STAG1: variants seen among roughly 807,000 people sequenced by gnomAD.
STAG1 encodes the protein STAG1 cohesin complex component.
In STAG1, 26 loss-of-function variants were observed where a neutral mutation model predicts 170.9. The ratio of observed to expected loss-of-function variants is 0.15; its 90% CI spans 0.11 to 0.21. STAG1 has a LOEUF of 0.21. STAG1 is among the 10% of genes least tolerant of loss of function. The probability of loss-of-function intolerance (pLI) is 1.00; values close to 1 mark genes in which losing one functional copy is unlikely to be tolerated. For missense variants in STAG1, 964 were observed against 1,509.5 expected, an observed-to-expected ratio of 0.64 and a Z score of 5.99; for synonymous variants, 514 against 497.7, an observed-to-expected ratio of 1.03 and a Z score of -0.44.
intron 6 of STAG1, among the ~76,000 whole-genome samples, chr3:136,536,999 C>T (rs1397689369): frequency 6.6e-6 from 1 of 152,178 alleles, no homozygotes; most frequent in East Asian, 1.9e-4. Context: ...GATCGAACTG[C>T]AGGGTTCAGT....
chr3:136,477,164 G>T (rs2089773742), intron 10 of STAG1, 125 bp downstream of exon 10: 4 of 1,013,154 alleles, frequency 3.9e-6, no homozygotes, highest in African/African-American at 3.3e-5. Context: ...TTATTCAGCT[G>T]CATCATCTTA....
intron 7 of STAG1, chr3:136,518,247 C>A: frequency 3.4e-6 from 2 of 580,532 alleles, no homozygotes; most frequent in Non-Finnish European, 6.2e-6. Context: ...AAATAACTAA[C>A]CTGATTGTCT....
intron 1 of STAG1, among the ~76,000 whole-genome samples, chr3:136,687,581 ATAAAG>A (rs1287779459): frequency 1.3e-5 from 2 of 152,150 alleles, no homozygotes; most frequent in Non-Finnish European, 2.9e-5. Context: ...AAAATTTGTT[ATAAAG>A]TAAACTAAAG....
Position 136,398,260 on chromosome 3 carries a change from G to A in STAG1, c.2277+489C>T, listed in dbSNP as rs530075950. Among the ~76,000 whole-genome samples the A allele has an allele frequency of 5.3e-5, 8 of 152,268 alleles. No individual in the cohort carries two copies. In the East Asian group the frequency reaches 1.5e-3, roughly 29 times the overall value. On this transcript the variant is annotated intron_variant, in intron 22 of 33. Transcript: ENST00000383202. Reference sequence around the variant, plus strand: ...AGCCTCCCAAGTAGCTGGGACTACAGGTGTGCATCACCATGCCCAGCTAAT... The same window carrying A: ...AGCCTCCCAAGTAGCTGGGACTACAAGTGTGCATCACCATGCCCAGCTAAT...
intron 1 of STAG1, among the ~76,000 whole-genome samples, chr3:136,666,074 C>CAAAAAAAAAAAAAAAAAAAA (rs576009223): frequency 9.8e-5 from 5 of 51,166 alleles, no homozygotes; most frequent in Non-Finnish European, 1.7e-4. Flanking sequence ...GACTCCATCT[C>CAAAAAAAAAAAAAAAAAAAA]AAAAAAAAAA....
intron 14 of STAG1, among the ~76,000 whole-genome samples, chr3:136,444,910 G>C (rs941356014): frequency 2.3e-4 from 35 of 152,102 alleles, no homozygotes; most frequent in Middle Eastern, 3.4e-3. Flanking sequence ...GCGCAGCCTG[G>C]AGTGCACTGG....
At chr3:136,609,787 C>A (rs1167185905) in intron 3 of STAG1, among the ~76,000 whole-genome samples, 1 of 152,060 alleles carries the variant, frequency 6.6e-6, no homozygotes, top group African/African-American at 2.4e-5. Flanking sequence ...GAGGTGAAAT[C>A]ATTCACTGGT....
At chr3:136,533,687 T>C (rs1450139221) in intron 6 of STAG1, among the ~76,000 whole-genome samples, 1 of 152,188 alleles carries the variant, frequency 6.6e-6, no homozygotes, top group Non-Finnish European at 1.5e-5. Flanking sequence ...ACTCACGAGG[T>C]ATCTGTCCCC....
chr3:136,509,368 G>C (rs988369541), intron 7 of STAG1, among the ~76,000 whole-genome samples: 1 of 151,062 alleles, frequency 6.6e-6, no homozygotes, highest in Non-Finnish European at 1.5e-5. Context: ...GGGATTGCTA[G>C]GCAGCATTAA....
At chr3:136,477,867 T>G (rs770083770) in intron 9 of STAG1, among the ~76,000 whole-genome samples, 3 of 152,184 alleles carry the variant, frequency 2.0e-5, no homozygotes, top group Non-Finnish European at 4.4e-5. Context: ...TTCGGCTGAC[T>G]GCAACCTCTG....
chr3:136,498,256 A>C, intron 9 of STAG1, among the ~76,000 whole-genome samples: 1 of 88,640 alleles, frequency 1.1e-5, no homozygotes, highest in African/African-American at 5.8e-5. Flanking sequence ...ACATACACAC[A>C]CACACACACA....
At chr3:136,514,387 G>T (rs948233527) in intron 7 of STAG1, among the ~76,000 whole-genome samples, 2 of 152,148 alleles carry the variant, frequency 1.3e-5, no homozygotes, top group Non-Finnish European at 2.9e-5. Context: ...AGTTAGAATG[G>T]CAATCATTAA....
At chr3:136,553,652 T>C (rs944662760) in intron 5 of STAG1, among the ~76,000 whole-genome samples, 4 of 152,210 alleles carry the variant, frequency 2.6e-5, no homozygotes, top group African/African-American at 9.6e-5. Flanking sequence ...TGTGCGCCTG[T>C]AGTCCCAGTT....
chr3:136,616,793 C>T (rs368606038), intron 3 of STAG1, among the ~76,000 whole-genome samples: 48 of 152,064 alleles, frequency 3.2e-4, no homozygotes, highest in African/African-American at 8.9e-4. Flanking sequence ...ACTCCAAAGG[C>T]TGAGGTGGGA....
chr3:136,734,218 G>GC, intron 1 of STAG1, among the ~76,000 whole-genome samples: 1 of 151,978 alleles, frequency 6.6e-6, no homozygotes, highest in Non-Finnish European at 1.5e-5. Flanking sequence ...ACCTCTCAGT[G>GC]CCCCAAATAA....
chr3:136,542,030 A>T, intron 6 of STAG1, 89 bp downstream of exon 6: 1 of 989,178 alleles, frequency 1.0e-6, no homozygotes, highest in Admixed American at 2.0e-5. Context: ...TACACTAAAC[A>T]TCAAATCAAA....
Position 136,472,599 on chromosome 3 carries a change from A to G in STAG1, c.1126-107T>C. 1.0e-5 allele frequency: 7 copies of G among 694,342 alleles called. 1 individual carries two copies. The South Asian group carries it at 1.6e-4, about 16-fold the overall frequency. The allele number at this position is 694,342 out of a possible 1,614,324, so 43.0% of individuals were successfully genotyped here. ...ATATATGCAATACTAATGATAGGTT[A>G]AATAAAAAGCTTTACTCTTGAAACT... is the stretch of plus-strand genomic sequence containing the variant. On this transcript the variant is annotated intron_variant, in intron 11 of 33. Coordinates refer to ENST00000383202, the MANE Select transcript of STAG1 (RefSeq NM_005862.3).
chr3:136,749,449 C>T (rs1168567408), intron 1 of STAG1, among the ~76,000 whole-genome samples: 2 of 152,142 alleles, frequency 1.3e-5, no homozygotes, highest in Non-Finnish European at 2.9e-5. Context: ...CAAGTAGTGA[C>T]CTTGAAAGAC....
chr3:136,345,383 A>G (rs1051589527), intron 29 of STAG1, among the ~76,000 whole-genome samples: 1 of 151,884 alleles, frequency 6.6e-6, no homozygotes, highest in African/African-American at 2.4e-5. Context: ...GCCACCAGCT[A>G]AGATGGTTTA....
Sources: allele counts gnomAD v4.1 joint callset (sites outside exome capture counted in the v4.1 genomes callset), GRCh38; gene constraint gnomAD v4.1.1; transcripts MANE v1.5; gene names NCBI Gene and HGNC (gene_info 2026-07-23, HGNC 2026-07-21).